The following CLDN10 variants were observed in gnomAD, a reference collection of about 807,000 sequenced individuals.
CLDN10 encodes claudin 10.
Under a neutral mutation model 22.9 loss-of-function variants are expected in CLDN10, and 15 were observed. The observed-to-expected ratio is 0.65, with a 90% CI of 0.44 to 1.01. The LOEUF is 1.01. Ranked by LOEUF, CLDN10 falls within the 50% of genes least tolerant of loss-of-function variation. The pLI is 0.00. For synonymous variants in CLDN10, 114 were observed against 111.4 expected, an observed-to-expected ratio of 1.02 and a Z score of -0.15; for missense variants, 247 against 287.8, an observed-to-expected ratio of 0.86 and a Z score of 1.03.
At position 95,525,454 on chromosome 13, in the gene CLDN10, A is replaced by G. The variant is rs185913691; in HGVS notation, c.215-34678A>G. On this transcript the variant is annotated intron_variant, in intron 1 of 4. Coordinates refer to the CLDN10 transcript ENST00000376873. ...TTCTGTGGGTTGTCTACTAACCCCA[A>G]ATGACATGTAAGTGAGTAACAAATA... is the stretch of plus-strand genomic sequence containing the variant. Among the ~76,000 whole-genome samples the G allele has an allele frequency of 2.3e-3, 355 of 152,180 alleles. 2 individuals carry two copies. The highest frequency in any genetic ancestry group is 3.2e-3 in the Non-Finnish European group (216 of 68,014).
chr13:95,508,264 T>C (rs1368332144), intron 1 of CLDN10, among the ~76,000 whole-genome samples: 1 of 152,188 alleles, frequency 6.6e-6, no homozygotes, highest in Non-Finnish European at 1.5e-5. Context: ...ATTAACATTC[T>C]TGTGGCCAGG....
At chr13:95,465,441 G>A (rs1196697055) in intron 1 of CLDN10, among the ~76,000 whole-genome samples, 1 of 152,184 alleles carries the variant, frequency 6.6e-6, no homozygotes, top group Non-Finnish European at 1.5e-5. Context: ...CTTTAGAGAT[G>A]AAACAATAAG....
intron 1 of CLDN10, among the ~76,000 whole-genome samples, chr13:95,538,153 C>CTTTTTTTTTTTTT (rs1176533524): frequency 6.0e-5 from 4 of 66,818 alleles, no homozygotes; most frequent in Non-Finnish European, 7.8e-5. Context: ...CTGTTTATTT[C>CTTTTTTTTTTTTT]TTTTTTTTTT....
chr13:95,531,804 G>A (rs1306552241), intron 1 of CLDN10, among the ~76,000 whole-genome samples: 2 of 151,668 alleles, frequency 1.3e-5, no homozygotes, highest in African/African-American at 4.8e-5. Context: ...CAAAGTGCTG[G>A]GATTACAGGC....
intron 1 of CLDN10, among the ~76,000 whole-genome samples, chr13:95,504,655 C>T (rs1412157044): frequency 6.6e-6 from 1 of 152,190 alleles, no homozygotes; most frequent in Non-Finnish European, 1.5e-5. Flanking sequence ...GCTGGGATTA[C>T]AAGCATGAGC....
chr13:95,569,926 G>A (rs1332169722), intron 3 of CLDN10, among the ~76,000 whole-genome samples: 4 of 152,004 alleles, frequency 2.6e-5, no homozygotes, highest in Non-Finnish European at 4.4e-5. Flanking sequence ...CCGCCACCGC[G>A]CCCGGCTAAT....
intron 3 of CLDN10, among the ~76,000 whole-genome samples, chr13:95,565,637 T>C (rs2043776864): frequency 6.6e-6 from 1 of 152,180 alleles, no homozygotes; most frequent in Admixed American, 6.6e-5. Flanking sequence ...TCTTTTTTTA[T>C]TATTATTATT....
intron 1 of CLDN10, among the ~76,000 whole-genome samples, chr13:95,507,964 G>A (rs1221626536): frequency 5.3e-5 from 8 of 151,984 alleles, no homozygotes; most frequent in East Asian, 2.0e-4. Context: ...GTCGTATGCC[G>A]GTGGTCCCAG....
At chr13:95,475,641 G>A (rs17189712) in intron 1 of CLDN10, among the ~76,000 whole-genome samples, 13,523 of 152,238 alleles carry the variant, frequency 0.089, 858 homozygotes, top group South Asian at 0.22. Flanking sequence ...CTGGCTTGGA[G>A]CTCCAGGAAG....
chr13:95,452,716 G>T (rs1416039823), intron 1 of CLDN10, among the ~76,000 whole-genome samples: 2 of 152,186 alleles, frequency 1.3e-5, no homozygotes, highest in African/African-American at 4.8e-5. Flanking sequence ...TCTCGAGATA[G>T]CCTGGTACCA....
intron 1 of CLDN10, among the ~76,000 whole-genome samples, chr13:95,483,378 T>C (rs2042770546): frequency 6.6e-6 from 1 of 152,150 alleles, no homozygotes; most frequent in African/African-American, 2.4e-5. Context: ...TTCTTTTTTA[T>C]TAAAATTTTT....
intron 1 of CLDN10, among the ~76,000 whole-genome samples, chr13:95,453,540 G>A (rs1335269800): frequency 1.3e-5 from 2 of 152,004 alleles, no homozygotes; most frequent in South Asian, 2.1e-4. Context: ...AAAACTTAGC[G>A]GGTTATGGTG....
chr13:95,511,597 A>G (rs2043099144), intron 1 of CLDN10, among the ~76,000 whole-genome samples: 1 of 151,310 alleles, frequency 6.6e-6, no homozygotes, highest in Admixed American at 6.6e-5. Context: ...TAAAAGTAGG[A>G]AAAGTCATCT....
At chr13:95,542,750 T>C (rs2043472174) in intron 1 of CLDN10, among the ~76,000 whole-genome samples, 1 of 152,122 alleles carries the variant, frequency 6.6e-6, no homozygotes, top group East Asian at 1.9e-4. Context: ...GAAATTGCAG[T>C]GAGCCAAGAT....
chr13:95,473,954 C>CT (rs1232209905), intron 1 of CLDN10, among the ~76,000 whole-genome samples: 1 of 152,204 alleles, frequency 6.6e-6, no homozygotes, highest in African/African-American at 2.4e-5. Context: ...GGTCCCCAAC[C>CT]TTTTTGGCAC....
At chr13:95,434,854 C>T (rs2042251730) in intron 1 of CLDN10, among the ~76,000 whole-genome samples, 1 of 151,944 alleles carries the variant, frequency 6.6e-6, no homozygotes, top group Non-Finnish European at 1.5e-5. Context: ...ATTCTATTTT[C>T]AGAAGGGTTT....
At chr13:95,517,661 C>T (rs920934391) in intron 1 of CLDN10, among the ~76,000 whole-genome samples, 1 of 152,102 alleles carries the variant, frequency 6.6e-6, no homozygotes, top group Non-Finnish European at 1.5e-5. Flanking sequence ...TGAGGTCGGG[C>T]GCGGTGGCTC....
chr13:95,484,150 C>T (rs1452984500), intron 1 of CLDN10, among the ~76,000 whole-genome samples: 1 of 152,172 alleles, frequency 6.6e-6, no homozygotes, highest in Non-Finnish European at 1.5e-5. Flanking sequence ...AGGATAGCAG[C>T]CCAAAAGGAC....
At chr13:95,508,882 TG>T (rs1171996505) in intron 1 of CLDN10, among the ~76,000 whole-genome samples, 4 of 152,226 alleles carry the variant, frequency 2.6e-5, no homozygotes, top group Non-Finnish European at 5.9e-5. Context: ...AGATGAGCGT[TG>T]TTTCATAAGG....
Sources: gnomAD v4.1 joint callset for allele counts (sites outside exome capture counted in the v4.1 genomes callset) on GRCh38, gnomAD v4.1.1 for gene constraint, MANE v1.5 for transcripts, NCBI Gene and HGNC (gene_info 2026-07-23, HGNC 2026-07-21) for gene names.